Variants in FSTL4 observed in about 807,000 individuals in gnomAD.
FSTL4 encodes the protein follistatin like 4, also known as follistatin-related protein 4.
Under a neutral mutation model 78.2 loss-of-function variants are expected in FSTL4, and 28 were observed. The observed-to-expected ratio is 0.36, with a 90% CI of 0.27 to 0.49. The LOEUF (loss-of-function observed/expected upper bound fraction) is 0.49, where lower values mean the gene tolerates loss of function less well. Ranked by LOEUF, FSTL4 falls within the 20% of genes least tolerant of loss-of-function variation. The probability of loss-of-function intolerance (pLI) is 0.98; values close to 1 mark genes in which losing one functional copy is unlikely to be tolerated. For synonymous variants in FSTL4, 422 were observed against 440.5 expected (o/e 0.96, Z 0.53); for missense variants, 922 against 1,084.9 (o/e 0.85, Z 2.11).
chr5:133,528,053 T>G (rs184803751), intron 3 of FSTL4, among the ~76,000 whole-genome samples: 1 of 152,354 alleles, frequency 6.6e-6, no homozygotes, highest in East Asian at 1.9e-4. Context: ...TGATAAGTGT[T>G]ATCATTTCAG....
chr5:133,449,748 T>C (rs1757345590), intron 3 of FSTL4, among the ~76,000 whole-genome samples: 1 of 152,196 alleles, frequency 6.6e-6, no homozygotes, highest in Non-Finnish European at 1.5e-5. Context: ...TTGGGTGCGC[T>C]CTTTTCCTCT....
chr5:133,827,408 G>A, the FSTL4 span, among the ~76,000 whole-genome samples: 7 of 152,042 alleles, frequency 4.6e-5, no homozygotes, highest in African/African-American at 1.4e-4. Context: ...AAGGAGTGTC[G>A]CGGATGCCTG....
chr5:133,796,252 G>A, the FSTL4 span, among the ~76,000 whole-genome samples: 13,034 of 152,278 alleles, frequency 0.086, 625 homozygotes, highest in East Asian at 0.17. Flanking sequence ...GGGAGGGGGA[G>A]CACACAGGCA....
intron 6 of FSTL4, among the ~76,000 whole-genome samples, chr5:133,263,803 AAG>A (rs1408777279): frequency 1.3e-5 from 2 of 152,164 alleles, no homozygotes; most frequent in Non-Finnish European, 2.9e-5. Context: ...TGTATGCTAC[AAG>A]AGAGAGAAGG....
At chr5:133,736,694 C>T in the FSTL4 span, among the ~76,000 whole-genome samples, 2,407 of 152,202 alleles carry the variant, frequency 0.016, 68 homozygotes, top group African/African-American at 0.054. Flanking sequence ...AAGCTGAGGA[C>T]GTACAGCCAA....
intron 6 of FSTL4, among the ~76,000 whole-genome samples, chr5:133,304,064 C>G (rs1753606214): frequency 1.3e-5 from 2 of 152,188 alleles, no homozygotes; most frequent in African/African-American, 4.8e-5. Flanking sequence ...CATTCACATC[C>G]TAAGCCCGTC....
At chr5:133,258,452 G>A (rs1581575596) in intron 6 of FSTL4, among the ~76,000 whole-genome samples, 1 of 152,224 alleles carries the variant, frequency 6.6e-6, no homozygotes. Context: ...AAACCCTCCT[G>A]TCTCACTGCT....
the FSTL4 span, among the ~76,000 whole-genome samples, chr5:133,799,286 T>TC: frequency 7.3e-6 from 1 of 137,646 alleles, no homozygotes; most frequent in Admixed American, 7.5e-5. Flanking sequence ...GGGTGAGCCA[T>TC]CCCTGCAGAC....
At chr5:133,706,483 T>C in the FSTL4 span, among the ~76,000 whole-genome samples, 1 of 152,122 alleles carries the variant, frequency 6.6e-6, no homozygotes, top group Non-Finnish European at 1.5e-5. Flanking sequence ...TAAAATAAAA[T>C]ACACTACAAC....
intron 4 of FSTL4, among the ~76,000 whole-genome samples, chr5:133,372,396 A>C (rs1406339013): frequency 6.6e-6 from 1 of 152,112 alleles, no homozygotes; most frequent in Non-Finnish European, 1.5e-5. Context: ...AGCACGTGAC[A>C]CCAAGGAGAG....
intron 2 of FSTL4, among the ~76,000 whole-genome samples, chr5:133,594,074 C>T (rs1760692255): frequency 6.6e-6 from 1 of 152,206 alleles, no homozygotes; most frequent in African/African-American, 2.4e-5. Context: ...CAGCCCAGGG[C>T]TCAGAGACCC....
the FSTL4 span, among the ~76,000 whole-genome samples, chr5:133,707,963 C>T: frequency 1.3e-5 from 2 of 151,974 alleles, no homozygotes; most frequent in Non-Finnish European, 2.9e-5. Flanking sequence ...TGTTTAATTA[C>T]CAGGTTAGAA....
At chr5:133,643,715 G>A in the FSTL4 span, among the ~76,000 whole-genome samples, 8 of 152,176 alleles carry the variant, frequency 5.3e-5, no homozygotes, top group African/African-American at 1.2e-4. Context: ...ATGGTGCCCC[G>A]ATGATGTAGT....
At chr5:133,800,023 C>T in the FSTL4 span, among the ~76,000 whole-genome samples, 467 of 139,126 alleles carry the variant, frequency 3.4e-3, 83 homozygotes, top group Admixed American at 0.027. Flanking sequence ...AACATCAGCA[C>T]GCGGCGTCCC....
upstream of FSTL4, among the ~76,000 whole-genome samples, chr5:133,614,366 AAAG>A (rs1761163562): frequency 6.6e-6 from 1 of 152,232 alleles, no homozygotes; most frequent in African/African-American, 2.4e-5. Flanking sequence ...CACGCTTCCC[AAAG>A]AAGGAGAAGA....
chr5:133,643,787 G>C, the FSTL4 span, among the ~76,000 whole-genome samples: 9,882 of 152,222 alleles, frequency 0.065, 428 homozygotes, highest in South Asian at 0.11. Flanking sequence ...CCCTGAAGGG[G>C]GCATAGGCCA....
At chr5:133,813,028 T>C in the FSTL4 span, among the ~76,000 whole-genome samples, 22 of 152,316 alleles carry the variant, frequency 1.4e-4, no homozygotes, top group South Asian at 6.2e-4. Context: ...GTTGATTGGC[T>C]TTCCAGGAAG....
At chr5:133,324,851 T>A (rs1277239025) in intron 4 of FSTL4, among the ~76,000 whole-genome samples, 3 of 152,222 alleles carry the variant, frequency 2.0e-5, no homozygotes, top group Non-Finnish European at 2.9e-5. Flanking sequence ...TCACCCATCA[T>A]GTCAGTTCCT....
chr5:133,655,836 A>G, the FSTL4 span, among the ~76,000 whole-genome samples: 2 of 152,190 alleles, frequency 1.3e-5, no homozygotes, highest in East Asian at 1.9e-4. Context: ...CAAGTGCATC[A>G]TATTTATTAA....
Sources: gnomAD v4.1 joint callset for allele counts (sites outside exome capture counted in the v4.1 genomes callset) on GRCh38, gnomAD v4.1.1 for gene constraint, MANE v1.5 for transcripts, NCBI Gene and HGNC (gene_info 2026-07-23, HGNC 2026-07-21) for gene names.